CDKN2A: variants seen among roughly 807,000 people sequenced by gnomAD.
CDKN2A encodes cyclin dependent kinase inhibitor 2A.
Under a neutral mutation model 11.1 loss-of-function variants are expected in CDKN2A, and 3 were observed. The observed-to-expected ratio is 0.27, with a 90% CI of 0.12 to 0.70. The LOEUF is 0.70. Ranked by LOEUF, CDKN2A falls within the 30% of genes least tolerant of loss-of-function variation. The pLI is 0.77. For missense variants in CDKN2A, 265 were observed against 233.6 expected, an observed-to-expected ratio of 1.13 and a Z score of -0.88; for synonymous variants, 122 against 108.1, an observed-to-expected ratio of 1.13 and a Z score of -0.80.
At chr9:21,977,564 C>T (rs1317331261), upstream of CDKN2A, among the ~76,000 whole-genome samples, 1 of 152,072 alleles carries the variant, frequency 6.6e-6, no homozygotes, top group Non-Finnish European at 1.5e-5. Flanking sequence ...CGGGGTTTCA[C>T]TATGTTGGCT....
At position 21,990,666 on chromosome 9, in the gene CDKN2A, T is replaced by C. The variant is rs919678528; in HGVS notation, c.-4+3216A>G. On this transcript the variant is annotated intron_variant, in intron 2 of 3. Transcript: ENST00000494262. ...AGAGAGAGAGAAACTGTTTACTGTT[T>C]GGAATCTTGCTTTAAAAAAACCTGA... 5.2e-5 allele frequency among the ~76,000 whole-genome samples: 3 copies of C among 58,192 alleles called. No homozygotes were observed. The East Asian group carries it at 2.5e-3, about 49-fold the overall frequency. The allele number at this position is 58,192 out of a possible 152,430, so 38.2% of individuals were successfully genotyped here.
rs1554654063 is a variant in CDKN2A, at chr9:21,971,088, G to A, written c.271C>T (p.Leu91=). ...CGGTGCAGCACCACCAGCGTGTCCA[G>A]GAAGCCCTCCCGGGCAGCGTCGTGC... ...PVHDAAREGF[L]DTLVVLHRAG... The change falls in exon 2 of 3, where the codon CTG becomes TTG. Residue 91 remains leucine (L), a synonymous_variant. Transcript: ENST00000304494. 3.1e-6 allele frequency: 5 copies of A among 1,605,306 alleles called. No homozygotes were observed. The South Asian group carries it at 5.5e-5, about 18-fold the overall frequency.
chr9:21,992,086 T>C (rs1820442785), intron 2 of CDKN2A: 1 of 876,732 alleles, frequency 1.1e-6, no homozygotes, highest in Non-Finnish European at 1.4e-6. Context: ...AGTATATGTA[T>C]TTCCAATCAT....
At chr9:21,975,222 C>T (rs1234915754), upstream of CDKN2A, 3 of 1,030,414 alleles carry the variant, frequency 2.9e-6, no homozygotes, top group Non-Finnish European at 3.6e-6. Context: ...CCCAGCCGCG[C>T]TCCCCCGCCT....
At chr9:21,970,337 C>A (rs2131088586) in intron 2 of CDKN2A, 2 of 257,360 alleles carry the variant, frequency 7.8e-6, no homozygotes, top group African/African-American at 2.2e-5. Context: ...CTGATGTCCC[C>A]AGAACCCCCT....
intron 2 of CDKN2A, among the ~76,000 whole-genome samples, chr9:21,982,134 T>A (rs1443358794): frequency 2.6e-5 from 4 of 152,228 alleles, no homozygotes; most frequent in African/African-American, 9.6e-5. Flanking sequence ...ATCTTCCTAC[T>A]CAAACTGGAT....
intron 2 of CDKN2A, among the ~76,000 whole-genome samples, chr9:21,990,627 A>AGAGAGAGAGAGAGAGAGAGAGAGG (rs1820408370): frequency 6.6e-6 from 1 of 150,452 alleles, no homozygotes; most frequent in Non-Finnish European, 1.5e-5. Flanking sequence ...AGAGAGAGAG[A>AGAGAGAGAGAGAGAGAGAGAGAGG]GAGAGAGAGA....
chr9:21,995,130 G>T lies in CDKN2A; in HGVS notation c.-485C>A, dbSNP rs1459903529. On this transcript the variant is annotated 5_prime_UTR_variant, in exon 1 of 4. Coordinates refer to the CDKN2A transcript ENST00000494262. The surrounding 1 kb of genome is among the most constrained non-coding windows in gnomAD (Gnocchi z 5.7). ...GACACGGCGCGGCGCTGGCGCTGCC[G>T]GAGCTGTCGACCCGGCCTGGCGCCG... is the stretch of plus-strand genomic sequence containing the variant. 1 of 152,182 alleles carries T rather than the reference G, an allele frequency of 6.6e-6. No individual in the cohort carries two copies. The highest frequency in any genetic ancestry group is 1.5e-5 in the Non-Finnish European group (1 of 68,038). The allele number at this position is 152,182 out of a possible 1,614,324, so 9.4% of individuals were successfully genotyped here. A position where few individuals can be genotyped will look rare whatever the true frequency, so the allele number is the denominator to read the frequency against.
intron 1 of CDKN2A, chr9:21,994,599 G>C (rs1820554965): frequency 4.0e-6 from 3 of 743,824 alleles, no homozygotes; most frequent in Non-Finnish European, 5.7e-6. Context: ...AGGGCTGCCG[G>C]AGGCGCCCGT....
chr9:21,978,182 G>A (rs2131121237), upstream of CDKN2A, among the ~76,000 whole-genome samples: 2 of 150,740 alleles, frequency 1.3e-5, no homozygotes, highest in Non-Finnish European at 1.5e-5. Flanking sequence ...ATGAGTTGAT[G>A]GGTGCAGCAC....
chr9:21,982,980 C>T (rs998137434), intron 2 of CDKN2A, among the ~76,000 whole-genome samples: 1 of 152,050 alleles, frequency 6.6e-6, no homozygotes, highest in Admixed American at 6.6e-5. Flanking sequence ...ATATGTTTTC[C>T]TAATGATAAT....
chr9:21,993,463 C>T (rs1376628489), intron 2 of CDKN2A, among the ~76,000 whole-genome samples: 2 of 152,196 alleles, frequency 1.3e-5, no homozygotes, highest in African/African-American at 2.4e-5. Flanking sequence ...GCTAAACATA[C>T]GAGCATTGTC....
At position 21,970,931 on chromosome 9, in the gene CDKN2A, G is replaced by C. The variant is rs767149947; in HGVS notation, c.428C>G (p.Ala143Gly). The part of the protein sequence containing the change: ...AAGGTRGSNH[A>G]RIDAAEGPSD... The stretch of plus-strand genomic sequence containing the variant: ...GGGACCTTCCGCGGCATCTATGCGG[G>C]CATGGTTACTGCCTCTGGTGCCCCC... Residue 143 changes from alanine to glycine, a missense_variant, in exon 2 of 3, where the codon GCC becomes GGC. Coordinates refer to ENST00000304494, the MANE Select transcript of CDKN2A (RefSeq NM_000077.5). The C allele has an allele frequency of 3.1e-6, 5 of 1,612,392 alleles. No homozygotes were observed. In the East Asian group the frequency reaches 1.1e-4, roughly 36 times the overall value.
In CDKN2A at chr9:21,994,364, C is replaced by T. The variant is rs1057517639; in HGVS notation, c.-175-311G>A. On this transcript the variant is annotated intron_variant, in intron 1 of 3. Transcript: ENST00000494262. ...CCGCCTCCAGGGCCGAGCTCGGCAG[C>T]CGCTGCGCCGCCCTTTGGCACCAGA... The T allele has an allele frequency of 6.2e-7, 1 of 1,607,366 alleles. No homozygotes were observed. Among genetic ancestry groups the T allele is most frequent in the Admixed American group, 1.7e-5 (1 of 59,800 alleles).
Position 21,971,575 on chromosome 9 carries a change from A to ATTTTTTTTTTTTTTTTTTTTT in CDKN2A, c.151-368_151-367insAAAAAAAAAAAAAAAAAAAAA, listed in dbSNP as rs59981968. Reference sequence around the variant, plus strand: ...TCCTGAAATTATGTTAGGCCTGGAGATTTTTTTTTTTTTTTTTGTTCACTG... The same window carrying ATTTTTTTTTTTTTTTTTTTTT: ...TCCTGAAATTATGTTAGGCCTGGAGATTTTTTTTTTTTTTTTTTTTTTTTTTTTTTTTTTTTTTGTTCACTG... On this transcript the variant is annotated intron_variant, in intron 1 of 2. Transcript: ENST00000304494. 4.1e-3 allele frequency among the ~76,000 whole-genome samples: 459 copies of ATTTTTTTTTTTTTTTTTTTTT among 111,272 alleles called. 24 individuals carry two copies. The highest frequency in any genetic ancestry group is 0.01 in the African/African-American group (235 of 22,872). 73.0% of individuals were successfully genotyped at this position (111,272 alleles called of 152,430 possible).
At chr9:21,981,497 T>C (rs910987911) in intron 2 of CDKN2A, among the ~76,000 whole-genome samples, 1 of 151,948 alleles carries the variant, frequency 6.6e-6, no homozygotes, top group Non-Finnish European at 1.5e-5. Context: ...TTGGGTGCAA[T>C]AGATAATTAT....
At position 21,968,689 on chromosome 9, in the gene CDKN2A, G is replaced by C. The variant is rs2131081602; in HGVS notation, c.458-447C>G. 6.5e-7 allele frequency: 1 copy of C among 1,536,164 alleles called. No homozygotes were observed. Among genetic ancestry groups the C allele is most frequent in the Non-Finnish European group, 8.7e-7 (1 of 1,146,886 alleles). On this transcript the variant is annotated intron_variant, in intron 2 of 2. Transcript: ENST00000304494. The surrounding 1 kb of genome is among the most constrained non-coding windows in gnomAD (Gnocchi z 4.7). ...CTTGCGATAACCAAAGGGCGCCTCAGGCTCTGGCGCTCCTCGGCGGAATCC... is the reference window on the plus strand; with the variant it reads ...CTTGCGATAACCAAAGGGCGCCTCACGCTCTGGCGCTCCTCGGCGGAATCC...
chr9:21,980,436 A>C (rs140664092), intron 2 of CDKN2A, among the ~76,000 whole-genome samples: 1 of 152,284 alleles, frequency 6.6e-6, no homozygotes, highest in East Asian at 1.9e-4. Flanking sequence ...TCCATGATTT[A>C]TATTGTTTGA....
chr9:21,980,353 A>G (rs1338277516), intron 2 of CDKN2A, among the ~76,000 whole-genome samples: 1 of 152,184 alleles, frequency 6.6e-6, no homozygotes, highest in Non-Finnish European at 1.5e-5. Flanking sequence ...CTCTGGGGAG[A>G]TACAGGAAAA....
Sources: gnomAD v4.1 joint callset for allele counts (sites outside exome capture counted in the v4.1 genomes callset) on GRCh38, gnomAD v4.1.1 for gene constraint, Gnocchi (gnomAD v3.1) non-coding constraint, MANE v1.5 for transcripts, NCBI Gene and HGNC (gene_info 2026-07-23, HGNC 2026-07-21) for gene names.